Variants in LRRC37A2 observed in about 807,000 individuals in gnomAD.
The protein encoded by LRRC37A2 is leucine rich repeat containing 37 member A2.
In LRRC37A2, 9 loss-of-function variants were observed where a neutral mutation model predicts 68.8. The observed-to-expected ratio is 0.13, with a 90% CI of 0.08 to 0.23. The LOEUF (loss-of-function observed/expected upper bound fraction) is 0.23. LRRC37A2 is among the 10% of genes least tolerant of loss of function. LRRC37A2 has a pLI of 1.00. For missense variants in LRRC37A2, 168 were observed against 950.4 expected (o/e 0.18, Z 10.82); for synonymous variants, 63 against 367.6 (o/e 0.17, Z 9.48).
chr17:46,900,620 A>G, the LRRC37A2 span, among the ~76,000 whole-genome samples: 5 of 152,248 alleles, frequency 3.3e-5, no homozygotes, highest in Admixed American at 3.3e-4. Flanking sequence ...AGTTTGGAGA[A>G]GGAGCAGCAT....
chr17:46,413,463 G>T, the LRRC37A2 span, among the ~76,000 whole-genome samples: 3 of 45,928 alleles, frequency 6.5e-5, no homozygotes, highest in Admixed American at 2.1e-4. Context: ...TTCCTCTCTG[G>T]GTCTCTGTCT....
the LRRC37A2 span, among the ~76,000 whole-genome samples, chr17:46,849,796 C>A: frequency 1.3e-5 from 2 of 152,000 alleles, no homozygotes; most frequent in Non-Finnish European, 2.9e-5. Flanking sequence ...GTCCTGCCTG[C>A]AGGTATAACG....
chr17:46,942,240 C>T, the LRRC37A2 span, among the ~76,000 whole-genome samples: 2 of 152,176 alleles, frequency 1.3e-5, no homozygotes, highest in African/African-American at 2.4e-5. Context: ...CTGTCTCAAC[C>T]GGGGGGTGAC....
chr17:46,788,073 T>A, the LRRC37A2 span, among the ~76,000 whole-genome samples: 1 of 151,368 alleles, frequency 6.6e-6, no homozygotes, highest in Admixed American at 6.6e-5. Flanking sequence ...AAGGAATAGG[T>A]GTGCTGAGGG....
the LRRC37A2 span, among the ~76,000 whole-genome samples, chr17:46,843,078 A>G: frequency 1.3e-5 from 2 of 152,220 alleles, no homozygotes; most frequent in Admixed American, 1.3e-4. Flanking sequence ...GCCACATTAG[A>G]CACTGAAGGC....
chr17:46,461,911 T>C, the LRRC37A2 span, among the ~76,000 whole-genome samples: 1 of 60,660 alleles, frequency 1.6e-5, no homozygotes, highest in Non-Finnish European at 4.2e-5. Context: ...GCAGGAGAAT[T>C]GCTTGAACCC....
chr17:46,811,855 G>T, the LRRC37A2 span, among the ~76,000 whole-genome samples: 1 of 152,214 alleles, frequency 6.6e-6, no homozygotes, highest in East Asian at 1.9e-4. Context: ...TACTCGGGAG[G>T]CTGAGGCAGG....
chr17:47,004,879 A>ACAAT, the LRRC37A2 span, among the ~76,000 whole-genome samples: 727 of 152,352 alleles, frequency 4.8e-3, 3 homozygotes, highest in South Asian at 8.1e-3. Flanking sequence ...CTACTGTAAG[A>ACAAT]CAATCAGTCA....
the LRRC37A2 span, among the ~76,000 whole-genome samples, chr17:46,892,341 G>T: frequency 6.6e-6 from 1 of 151,980 alleles, no homozygotes; most frequent in South Asian, 2.1e-4. Context: ...TGCCCCTCAA[G>T]GTACACCACA....
the LRRC37A2 span, among the ~76,000 whole-genome samples, chr17:46,792,144 A>G: frequency 6.6e-6 from 1 of 152,266 alleles, no homozygotes; most frequent in South Asian, 2.1e-4. Flanking sequence ...TGTGTTCGAC[A>G]CAAAAGGCAA....
At chr17:46,940,595 G>A in the LRRC37A2 span, 52 of 1,614,054 alleles carry the variant, frequency 3.2e-5, no homozygotes, top group Non-Finnish European at 4.2e-5. Flanking sequence ...TTGGAGGAAG[G>A]TCTGCAGGGA....
the LRRC37A2 span, among the ~76,000 whole-genome samples, chr17:46,499,050 C>T: frequency 6.7e-6 from 1 of 149,058 alleles, no homozygotes; most frequent in African/African-American, 2.6e-5. Context: ...CATGGTGGCT[C>T]ACGCCTGTAA....
chr17:46,942,094 A>G, the LRRC37A2 span: 9 of 284,828 alleles, frequency 3.2e-5, no homozygotes, highest in Non-Finnish European at 4.7e-5. Flanking sequence ...AGGCACAAGA[A>G]CAAATCAAGT....
chr17:46,883,675 C>A, the LRRC37A2 span, among the ~76,000 whole-genome samples: 3 of 152,198 alleles, frequency 2.0e-5, no homozygotes, highest in African/African-American at 4.8e-5. Context: ...GAAACAGCTT[C>A]TTCACTGCCT....
the LRRC37A2 span, among the ~76,000 whole-genome samples, chr17:46,766,354 G>A: frequency 1.3e-5 from 2 of 151,848 alleles, no homozygotes; most frequent in Non-Finnish European, 2.9e-5. Context: ...GTTACAGTGA[G>A]CCGAGATTGC....
At chr17:46,770,853 A>C in the LRRC37A2 span, among the ~76,000 whole-genome samples, 1 of 151,982 alleles carries the variant, frequency 6.6e-6, no homozygotes, top group African/African-American at 2.4e-5. Context: ...GGAAAGTTTT[A>C]CTCATTTTAT....
chr17:46,726,154 C>T, the LRRC37A2 span, among the ~76,000 whole-genome samples: 1 of 152,144 alleles, frequency 6.6e-6, no homozygotes, highest in African/African-American at 2.4e-5. Context: ...CTTAACAGAG[C>T]CACAATTCTT....
the LRRC37A2 span, among the ~76,000 whole-genome samples, chr17:46,844,760 T>C: frequency 1.3e-5 from 2 of 152,180 alleles, no homozygotes; most frequent in East Asian, 3.8e-4. Context: ...TTATGGCATA[T>C]TTTTAAACTT....
At chr17:46,943,215 A>G in the LRRC37A2 span, among the ~76,000 whole-genome samples, 1 of 152,212 alleles carries the variant, frequency 6.6e-6, no homozygotes, top group African/African-American at 2.4e-5. Flanking sequence ...AGGGGCAGGG[A>G]TGGAAGCCTG....
Sources: allele counts gnomAD v4.1 joint callset (sites outside exome capture counted in the v4.1 genomes callset), GRCh38; gene constraint gnomAD v4.1.1; transcripts MANE v1.5; gene names NCBI Gene and HGNC (gene_info 2026-07-23, HGNC 2026-07-21).